ABHD1: variants seen among roughly 807,000 people sequenced by gnomAD.
ABHD1 encodes the protein protein ABHD1.
Under a neutral mutation model 41.4 loss-of-function variants are expected in ABHD1, and 47 were observed. The observed-to-expected ratio is 1.13, with a 90% CI of 0.90 to 1.45. The LOEUF (loss-of-function observed/expected upper bound fraction) is 1.45. Ranked by LOEUF, ABHD1 falls within the 40% of genes most tolerant of loss-of-function variation. ABHD1 has a pLI of 0.00. For missense variants in ABHD1, 550 were observed against 503.4 expected (o/e 1.09, Z -0.89); for synonymous variants, 205 against 203.7 (o/e 1.01, Z -0.05).
In ABHD1 at chr2:27,130,554, A is replaced by G. The variant is rs1401297165; in HGVS notation, c.1028A>G (p.Gln343Arg). The change falls in exon 9 of 9, where the codon CAA becomes CGA. Residue 343 changes from glutamine to arginine, a missense_variant. By Grantham distance (43) the Gln-to-Arg change is conservative (BLOSUM62 1). Transcript: ENST00000316470. ...CTAGCCCTTCCCATACAGGCCGCCC[A>G]ACACTCCCCCTACGTTGCGCTGCTC... Reference protein sequence around the residue: ...PVCALPIQAAQHSPYVALLIT... With the variant: ...PVCALPIQAARHSPYVALLIT... 1 of 1,614,000 alleles carries G rather than the reference A, an allele frequency of 6.2e-7. No individual in the cohort carries two copies. The highest frequency in any genetic ancestry group is 2.2e-5 in the East Asian group (1 of 44,888).
rs1558474153 is a variant in ABHD1, at chr2:27,128,602, G to A, written c.275+1G>A. 1 of 1,614,044 alleles carries A rather than the reference G, an allele frequency of 6.2e-7. No individual in the cohort carries two copies. The highest frequency in any genetic ancestry group is 8.5e-7 in the Non-Finnish European group (1 of 1,179,964). ...CTCAGCCCCTAGTCCTTTATCAGAGGTAAGAAGGGACAGAACAGGGTGAAC... is the reference window on the plus strand; with the variant it reads ...CTCAGCCCCTAGTCCTTTATCAGAGATAAGAAGGGACAGAACAGGGTGAAC... On this transcript the variant is annotated splice_donor_variant, in intron 2 of 8. Transcript: ENST00000316470. LOFTEE classifies it high-confidence loss of function.
At position 27,130,039 on chromosome 2, in the gene ABHD1, A is replaced by G; in HGVS notation, c.792-66A>G. On this transcript the variant is annotated intron_variant, in intron 6 of 8. Transcript: ENST00000316470. ...TGGGCTTCCTCACACATGAGATAGT[A>G]AGACAGGGCCTGGGGGTGGGGGATC... is the stretch of plus-strand genomic sequence containing the variant. 1.9e-6 allele frequency: 3 copies of G among 1,611,666 alleles called. No homozygotes were observed. In the South Asian group the frequency reaches 3.3e-5, roughly 18 times the overall value.
chr2:27,127,312 T>C (rs1190045705), intron 1 of ABHD1, among the ~76,000 whole-genome samples: 1 of 144,896 alleles, frequency 6.9e-6, no homozygotes, highest in Non-Finnish European at 1.5e-5. Context: ...CCCAGCACTT[T>C]GGGAGGCCGA....
At position 27,129,320 on chromosome 2, in the gene ABHD1, G is replaced by C. The variant is rs1371286332; in HGVS notation, c.463G>C (p.Val155Leu). 3 of 1,614,046 alleles carry C rather than the reference G, an allele frequency of 1.9e-6. No homozygotes were observed. In the Admixed American group the frequency reaches 5.0e-5, roughly 27 times the overall value. ...NQALRDGYQA[V>L]VFNNRGCRGE... ...ATGTACCTGTGTGTGCCACAGGGCT[G>C]TCGTGTTTAACAACCGGGGCTGCCG... Residue 155 changes from valine (V) to leucine (L), a missense_variant, in exon 4 of 9, where the codon GTC becomes CTC. Physicochemically the swap from Val to Leu is conservative, Grantham distance 32. Transcript: ENST00000316470.
chr2:27,130,061 G>A (rs1672162433), intron 6 of ABHD1, 44 bp from the exon 7 acceptor site: 9 of 1,613,200 alleles, frequency 5.6e-6, no homozygotes, highest in Non-Finnish European at 6.8e-6. Flanking sequence ...GGGGGTGGGG[G>A]ATCAGATCCA....
At chr2:27,129,695 C>G in intron 5 of ABHD1, 59 bp from the exon 6 acceptor site, 3 of 1,610,264 alleles carry the variant, frequency 1.9e-6, no homozygotes, top group Non-Finnish European at 2.5e-6. Flanking sequence ...TCCCCTTCCT[C>G]TGTCCCAACC....
At chr2:27,124,316 G>A (rs369360027) in intron 1 of ABHD1, 21 of 593,922 alleles carry the variant, frequency 3.5e-5, no homozygotes, top group Non-Finnish European at 5.0e-5. Context: ...GAAAGGTGGG[G>A]TGGAAGGCAT....
At chr2:27,124,192 T>C in intron 1 of ABHD1, 130 bp downstream of exon 1, 1 of 838,350 alleles carries the variant, frequency 1.2e-6, no homozygotes, top group Non-Finnish European at 2.0e-6. Context: ...TACCACCGAA[T>C]GGAGAGTCGG....
At chr2:27,127,553 CAAAAAAAAAAA>C (rs776328433) in intron 1 of ABHD1, among the ~76,000 whole-genome samples, 1 of 96,194 alleles carries the variant, frequency 1.0e-5, no homozygotes, top group Admixed American at 1.2e-4. Context: ...GACTCTGTCT[CAAAAAAAAAAA>C]AAAAAAAGAA....
chr2:27,129,158 G>A, intron 3 of ABHD1, 31 bp downstream of exon 3: 1 of 1,604,492 alleles, frequency 6.2e-7, no homozygotes, highest in African/African-American at 1.3e-5. Flanking sequence ...AGAGTGGGGT[G>A]GCATCTGAGA....
At chr2:27,128,730 G>A (rs548601916) in intron 2 of ABHD1, 129 bp downstream of exon 2, 2 of 1,357,286 alleles carry the variant, frequency 1.5e-6, no homozygotes, top group East Asian at 4.7e-5. Flanking sequence ...GACAATGGAT[G>A]TTATATGGAA....
rs370277773 is a variant in ABHD1 at position 27,130,083 on chromosome 2, A to G, written c.792-22A>G. ...GGGGATCAGATCCAGGTGTCAAGCC[A>G]AACTCTTATGTACTTTTGCAGAAAC... On this transcript the variant is annotated intron_variant, in intron 6 of 8. Transcript: ENST00000316470. 2.3e-4 allele frequency: 364 copies of G among 1,614,200 alleles called. No homozygotes were observed. In the Middle Eastern group the frequency reaches 2.3e-3, roughly 10 times the overall value.
chr2:27,125,243 A>T (rs1206505749), intron 1 of ABHD1: 1 of 152,238 alleles, frequency 6.6e-6, no homozygotes, highest in East Asian at 1.9e-4. Flanking sequence ...GTCACTTCAG[A>T]ACAAAACTGC....
rs146010776 is a variant in ABHD1, at chr2:27,130,398, C to T, written c.988C>T (p.Pro330Ser). Residue 330 changes from proline to serine, a missense_variant, in exon 8 of 9, where the codon CCC (proline) becomes TCC (serine). Coordinates refer to ENST00000316470, the MANE Select transcript of ABHD1 (RefSeq NM_032604.4). Reference sequence around the variant, plus strand: ...GCTCTATCTCAGTGCAGCAGATGACCCCTTCTCCCCCGTCTGTGGTGAGTA... The same window carrying T: ...GCTCTATCTCAGTGCAGCAGATGACTCCTTCTCCCCCGTCTGTGGTGAGTA... ...PVLYLSAADD[P>S]FSPVCALPIQ... is the part of the protein sequence containing the mutation. 1,050 of 1,614,020 alleles carry T rather than the reference C, an allele frequency of 6.5e-4. No individual in the cohort carries two copies. The highest frequency in any genetic ancestry group is 6.7e-4 in the Non-Finnish European group (793 of 1,180,036).
rs745640329 is a variant in ABHD1, at chr2:27,130,320, T to C, written c.910T>C (p.Tyr304His). Residue 304 changes from tyrosine (Y) to histidine (H), a missense_variant, in exon 8 of 9, where the codon TAC becomes CAC. Coordinates refer to ENST00000316470, the MANE Select transcript of ABHD1 (RefSeq NM_032604.4). ...VAFGYQDCVTYYKAASPRTKI... is the reference protein window; with the variant it reads ...VAFGYQDCVTHYKAASPRTKI... The stretch of plus-strand genomic sequence containing the variant: ...CTTTGGATATCAAGACTGTGTTACC[T>C]ACTACAAAGCAGCAAGCCCTAGAAC... 6.2e-7 allele frequency: 1 copy of C among 1,614,178 alleles called. No individual in the cohort carries two copies. The highest frequency in any genetic ancestry group is 8.5e-7 in the Non-Finnish European group (1 of 1,180,028).
rs772763261 is a variant in ABHD1, at chr2:27,129,574, A to C, written c.565A>C (p.Lys189Gln). ...TCTAGAGACAGTCGTGAACCACATA[A>C]AGCATCGTTATCCCCAAGCTCCACT... is the stretch of plus-strand genomic sequence containing the variant. ...EDLETVVNHI[K>Q]HRYPQAPLLA... The change falls in exon 5 of 9, where the codon AAG (lysine) becomes CAG (glutamine). Residue 189 changes from lysine to glutamine, a missense_variant. Transcript: ENST00000316470. The C allele has an allele frequency of 6.2e-7, 1 of 1,613,942 alleles. No individual in the cohort carries two copies. Among genetic ancestry groups the C allele is most frequent in the South Asian group, 1.1e-5 (1 of 91,080 alleles).
At chr2:27,124,102 G>A in intron 1 of ABHD1, 40 bp downstream of exon 1, 2 of 1,571,466 alleles carry the variant, frequency 1.3e-6, no homozygotes, top group South Asian at 1.1e-5. Context: ...GGGTTTGGGT[G>A]TAGGGGGCAG....
chr2:27,123,939 C>T lies in ABHD1; in HGVS notation c.-10C>T, dbSNP rs751999519. The stretch of plus-strand genomic sequence containing the variant: ...CCAGGAGCCTGAGGGTCGGAAGCCC[C>T]CAACACAAGATGCTGAGCTCCTTCC... On this transcript the variant is annotated 5_prime_UTR_variant, in exon 1 of 9. Coordinates refer to ENST00000316470, the MANE Select transcript of ABHD1 (RefSeq NM_032604.4). 1.2e-6 allele frequency: 2 copies of T among 1,613,204 alleles called. No individual in the cohort carries two copies. The highest frequency in any genetic ancestry group is 1.7e-6 in the Non-Finnish European group (2 of 1,179,132).
intron 1 of ABHD1, chr2:27,124,281 C>G (rs1671865075): frequency 1.5e-6 from 1 of 653,692 alleles, no homozygotes; most frequent in Admixed American, 2.1e-5. Context: ...GGTGCTGCTC[C>G]CTATAATGTG....
Sources: allele counts gnomAD v4.1 joint callset (sites outside exome capture counted in the v4.1 genomes callset), GRCh38; gene constraint gnomAD v4.1.1; transcripts MANE v1.5; gene names NCBI Gene and HGNC (gene_info 2026-07-23, HGNC 2026-07-21).